Variants in HMCN2 observed in about 807,000 individuals in gnomAD.
The protein encoded by HMCN2 is hemicentin 2.
In HMCN2, 325 loss-of-function variants were observed where a neutral mutation model predicts 377.5. The ratio of observed to expected loss-of-function variants is 0.86; its 90% CI spans 0.79 to 0.94. The LOEUF is 0.94. HMCN2 is among the 40% of genes least tolerant of loss of function. The pLI is 0.00. For missense variants in HMCN2, 4,543 were observed against 4,725.3 expected (o/e 0.96, Z 1.13); for synonymous variants, 2,007 against 2,046.8 (o/e 0.98, Z 0.53).
At chr9:130,390,811 G>A (rs944953800) in intron 62 of HMCN2, among the ~76,000 whole-genome samples, 166 bp from the exon 63 acceptor site, 2 of 152,120 alleles carry the variant, frequency 1.3e-5, no homozygotes, top group Non-Finnish European at 2.9e-5. Context: ...GGGTCCCTTG[G>A]GAAGAGCTGT....
At chr9:130,346,770 G>A (rs2131502408) in intron 25 of HMCN2, among the ~76,000 whole-genome samples, 1 of 152,226 alleles carries the variant, frequency 6.6e-6, no homozygotes, top group South Asian at 2.1e-4. Context: ...ACAGAGACCT[G>A]GAGCATAGAC....
Position 130,392,048 on chromosome 9 carries a change from T to C in HMCN2, c.10066T>C (p.Trp3356Arg). The change falls in exon 66 of 98, where the codon TGG (tryptophan) becomes CGG (arginine). Residue 3356 changes from tryptophan to arginine, a missense_variant. Around this residue, in one of 5 missense-constraint regions of HMCN2, gnomAD observed 1,073 missense variants for 1,319.5 expected, o/e 0.81. Transcript: ENST00000683500. ...VRGSPPIHVS[W>R]LKDGLPLPLS... ...GGGCTCCCCGCCCATCCACGTGAGC[T>C]GGCTCAAGGACGGCCTGCCCCTCCC... 1.6e-5 allele frequency: 16 copies of C among 988,490 alleles called. No individual in the cohort carries two copies. The highest frequency in any genetic ancestry group is 1.9e-5 in the Non-Finnish European group (16 of 830,488). 61.2% of individuals were successfully genotyped at this position (988,490 alleles called of 1,614,324 possible).
intron 86 of HMCN2, among the ~76,000 whole-genome samples, chr9:130,421,141 A>G (rs770078066): frequency 7.9e-5 from 12 of 152,240 alleles, no homozygotes; most frequent in East Asian, 1.9e-4. Context: ...TGCCATTTTT[A>G]CTTCCTCTAT....
At chr9:130,384,872 G>A in intron 59 of HMCN2, 74 bp downstream of exon 59, 3 of 1,017,914 alleles carry the variant, frequency 2.9e-6, no homozygotes, top group South Asian at 1.3e-5. Context: ...CTCCCCCAGA[G>A]AACATAGACA....
Position 130,383,534 on chromosome 9 carries a change from A to C in HMCN2, c.8764A>C (p.Ser2922Arg), listed in dbSNP as rs1588359701. 1 of 986,054 alleles carries C rather than the reference A, an allele frequency of 1.0e-6. No individual in the cohort carries two copies. Among genetic ancestry groups the C allele is most frequent in the East Asian group, 1.1e-4 (1 of 8,796 alleles). The allele number at this position is 986,054 out of a possible 1,614,324, so 61.1% of individuals were successfully genotyped here. A position where few individuals can be genotyped will look rare whatever the true frequency, so the allele number is the denominator to read the frequency against. The change falls in exon 57 of 98, where the codon AGC (serine) becomes CGC (arginine). Residue 2922 changes from serine to arginine, a missense_variant. Ser to Arg is a moderately radical substitution (Grantham distance 110). This residue lies in a region of HMCN2 where 736 missense variants were observed against 773.2 expected (regional missense o/e 0.95). Coordinates refer to ENST00000683500, the MANE Select transcript of HMCN2 (RefSeq NM_001291815.2). ...CACGGCAGAGGTGGCCGACGCCGCC[A>C]GCTACATGTGTGTGGCCGAGAACCA... is the stretch of plus-strand genomic sequence containing the variant. ...VSTAEVADAA[S>R]YMCVAENQAG...
rs1030685717 is a variant in HMCN2, at chr9:130,354,864, C to T, written c.4966C>T (p.Pro1656Ser). ...LECVARGHPS[P>S]TLSWHHEGLP... ...GTGCGTGGCCAGAGGCCACCCGTCC[C>T]CCACCCTCTCCTGGCACCACGAGGG... Residue 1656 changes from proline to serine, a missense_variant, in exon 32 of 98, where the codon CCC becomes TCC. Pro to Ser is a moderately conservative substitution (Grantham distance 74). This residue lies in a region of HMCN2 where 1,032 missense variants were observed against 1,285.1 expected (regional missense o/e 0.80). Transcript: ENST00000683500. 4 of 1,304,154 alleles carry T rather than the reference C, an allele frequency of 3.1e-6. No individual in the cohort carries two copies. The African/African-American group carries it at 6.1e-5, about 20-fold the overall frequency. The allele number at this position is 1,304,154 out of a possible 1,614,324, so 80.8% of individuals were successfully genotyped here.
intron 79 of HMCN2, 57 bp downstream of exon 79, chr9:130,403,385 G>T (rs1564860605): frequency 1.6e-6 from 2 of 1,255,020 alleles, no homozygotes; most frequent in Non-Finnish European, 1.0e-6. Context: ...GGTCTGGGCA[G>T]GGGGGGAGTC....
chr9:130,403,466 C>A, intron 79 of HMCN2, 138 bp downstream of exon 79: 1 of 981,854 alleles, frequency 1.0e-6, no homozygotes, highest in Non-Finnish European at 1.3e-6. Context: ...TGCCCAGATA[C>A]GCCCCCACCC....
At position 130,433,921 on chromosome 9, in the gene HMCN2, G is replaced by T. The variant is rs968381194; in HGVS notation, c.*228G>T. 1.3e-5 allele frequency: 6 copies of T among 455,876 alleles called. No individual in the cohort carries two copies. The highest frequency in any genetic ancestry group is 1.5e-5 in the Non-Finnish European group (4 of 261,778). The allele number at this position is 455,876 out of a possible 1,614,324, so 28.2% of individuals were successfully genotyped here. ...GGGCGGCCCTTGGGTGGCCAGTCCC[G>T]CAGGCAGGGCCCGGGGAAGCCCGGA... On this transcript the variant is annotated 3_prime_UTR_variant, in exon 98 of 98. Coordinates refer to ENST00000683500, the MANE Select transcript of HMCN2 (RefSeq NM_001291815.2).
intron 1 of HMCN2, among the ~76,000 whole-genome samples, chr9:130,267,772 T>C (rs1285762115): frequency 6.6e-6 from 1 of 152,150 alleles, no homozygotes; most frequent in African/African-American, 2.4e-5. Context: ...CAAAGATTTC[T>C]AGGAACATCA....
intron 73 of HMCN2, among the ~76,000 whole-genome samples, chr9:130,396,893 C>T (rs1482216672): frequency 2.6e-5 from 4 of 152,196 alleles, no homozygotes; most frequent in Admixed American, 6.5e-5. Flanking sequence ...GCGCCTTCTG[C>T]GTCTCAGGAG....
At position 130,414,426 on chromosome 9, in the gene HMCN2, C is replaced by G. The variant is rs532862194; in HGVS notation, c.12961+3774C>G. Among the ~76,000 whole-genome samples, 6 of 152,164 alleles carry G rather than the reference C, an allele frequency of 3.9e-5. No individual in the cohort carries two copies. The highest frequency in any genetic ancestry group is 7.4e-5 in the Non-Finnish European group (5 of 68,022). The stretch of plus-strand genomic sequence containing the variant: ...AGTGAGTGGCACCACTTTTTCTTGG[C>G]AGTTTTATAGCTCTGCCAAAAACGG... On this transcript the variant is annotated intron_variant, in intron 85 of 97. Transcript: ENST00000683500. The surrounding 1 kb of genome is among the most constrained non-coding windows in gnomAD (Gnocchi z 4.4).
At chr9:130,416,686 A>G (rs1000572299) in intron 85 of HMCN2, among the ~76,000 whole-genome samples, 1 of 152,118 alleles carries the variant, frequency 6.6e-6, no homozygotes, top group African/African-American at 2.4e-5. Flanking sequence ...TTCGTCCAGG[A>G]GCAGAAGCGC....
chr9:130,355,900 C>T (rs750892364), intron 33 of HMCN2, 46 bp downstream of exon 33: 11 of 1,162,762 alleles, frequency 9.5e-6, no homozygotes, highest in South Asian at 7.8e-5. Flanking sequence ...AGGCAGAGAG[C>T]GTGTGCTTTG....
intron 4 of HMCN2, among the ~76,000 whole-genome samples, chr9:130,286,683 G>A (rs1835431328): frequency 6.6e-6 from 1 of 152,248 alleles, no homozygotes; most frequent in East Asian, 1.9e-4. Context: ...GTGGGTATGG[G>A]GCATCTTCTG....
Position 130,433,680 on chromosome 9 carries a change from C to T in HMCN2, c.15227C>T (p.Pro5076Leu). 6.7e-7 allele frequency: 1 copy of T among 1,490,722 alleles called. No homozygotes were observed. Among genetic ancestry groups the T allele is most frequent in the Non-Finnish European group, 8.9e-7 (1 of 1,123,926 alleles). The allele number at this position is 1,490,722 out of a possible 1,614,324, so 92.3% of individuals were successfully genotyped here. A position where few individuals can be genotyped will look rare whatever the true frequency, so the allele number is the denominator to read the frequency against. Residue 5076 changes from proline (P) to leucine (L), a missense_variant, in exon 98 of 98, where the codon CCC becomes CTC. Pro to Leu is a moderately conservative substitution (Grantham distance 98). Around this residue, in one of 5 missense-constraint regions of HMCN2, gnomAD observed 1,155 missense variants for 1,157.7 expected, o/e 1.00. Coordinates refer to ENST00000683500, the MANE Select transcript of HMCN2 (RefSeq NM_001291815.2). ...TTCGTCTTGCTCATCGCCGTGTCCC[C>T]CTACCCCTACTAAACGGGAGAGGGC... ...SVFVLLIAVS[P>L]YPY
intron 62 of HMCN2, among the ~76,000 whole-genome samples, chr9:130,390,395 C>T (rs574033534): frequency 1.3e-5 from 2 of 152,198 alleles, no homozygotes; most frequent in Admixed American, 6.5e-5. Flanking sequence ...ATCTTGATTC[C>T]CAGGCTCTGC....
intron 84 of HMCN2, among the ~76,000 whole-genome samples, chr9:130,410,363 G>A (rs1588417803): frequency 6.6e-6 from 1 of 152,334 alleles, no homozygotes; most frequent in East Asian, 1.9e-4. Flanking sequence ...CTGTTTTCGG[G>A]TGTGAAAAGG....
chr9:130,355,075 C>G, intron 32 of HMCN2, 31 bp downstream of exon 32: 1 of 1,244,076 alleles, frequency 8.0e-7, no homozygotes, highest in Non-Finnish European at 1.0e-6. Context: ...TCAGAGCTGC[C>G]TGGGCTGTGG....
Sources: gnomAD v4.1 joint callset for allele counts (sites outside exome capture counted in the v4.1 genomes callset) on GRCh38, gnomAD v4.1.1 for gene constraint, gnomAD v4.1.1 regional missense constraint, Gnocchi (gnomAD v3.1) non-coding constraint, MANE v1.5 for transcripts, NCBI Gene and HGNC (gene_info 2026-07-23, HGNC 2026-07-21) for gene names.